The following SH3YL1 variants were observed in gnomAD, a reference collection of about 807,000 sequenced individuals.
The protein encoded by SH3YL1 is SH3 domain-containing YSC84-like protein 1.
A neutral mutation model predicts 45.8 loss-of-function variants in SH3YL1; 41 were observed. The observed-to-expected ratio is 0.89, with a 90% CI of 0.70 to 1.16. The LOEUF is 1.16. Among genes scored for constraint, SH3YL1 ranks in the 50% most tolerant of loss-of-function variants. SH3YL1 has a pLI of 0.00. For missense variants in SH3YL1, 389 were observed against 409.6 expected (o/e 0.95, Z 0.43); for synonymous variants, 152 against 151.4 (o/e 1.00, Z -0.03).
chr2:264,080 G>A, upstream of SH3YL1: 2 of 1,343,484 alleles, frequency 1.5e-6, no homozygotes, highest in Non-Finnish European at 1.9e-6. Flanking sequence ...CAGCGAGGGC[G>A]TACCTGCGGC....
At chr2:229,097 A>G (rs1433953983) in intron 8 of SH3YL1, among the ~76,000 whole-genome samples, 1 of 152,210 alleles carries the variant, frequency 6.6e-6, no homozygotes, top group Non-Finnish European at 1.5e-5. Context: ...TCATCACATG[A>G]AAGTCCCTAC....
intron 1 of SH3YL1, among the ~76,000 whole-genome samples, chr2:257,811 T>C (rs1018622181): frequency 1.8e-4 from 27 of 152,282 alleles, no homozygotes; most frequent in Middle Eastern, 3.4e-3. Context: ...CTTTAATCCA[T>C]CTTGAATTGT....
At chr2:228,342 A>G (rs1667874573) in intron 8 of SH3YL1, among the ~76,000 whole-genome samples, 1 of 152,242 alleles carries the variant, frequency 6.6e-6, no homozygotes, top group Non-Finnish European at 1.5e-5. Context: ...GCCTGTTTTT[A>G]GAAAGCTCAC....
intron 3 of SH3YL1, among the ~76,000 whole-genome samples, chr2:249,349 T>C (rs1418398822): frequency 6.6e-6 from 1 of 152,194 alleles, no homozygotes; most frequent in Non-Finnish European, 1.5e-5. Flanking sequence ...GCCCCTTATT[T>C]TCATATCAAT....
rs1405517213 is a variant in SH3YL1, at chr2:248,044, T to C, written c.227-442A>G. 2.0e-5 allele frequency among the ~76,000 whole-genome samples: 3 copies of C among 152,354 alleles called. No homozygotes were observed. In the South Asian group the frequency reaches 6.2e-4, roughly 32 times the overall value. On this transcript the variant is annotated intron_variant, in intron 3 of 9. Transcript: ENST00000356150. ...TTATCTAACGGTAACATAATAATTGTTTCCATTGTAAATTTCTGAGGGCAA... is the reference window on the plus strand; with the variant it reads ...TTATCTAACGGTAACATAATAATTGCTTCCATTGTAAATTTCTGAGGGCAA...
chr2:247,901 CA>C (rs1324071992), intron 3 of SH3YL1, among the ~76,000 whole-genome samples: 6 of 152,208 alleles, frequency 3.9e-5, no homozygotes, highest in Non-Finnish European at 8.8e-5. Context: ...ATTAGCCATA[CA>C]GAGCACTTGG....
At chr2:232,605 C>G (rs1412854413) in intron 6 of SH3YL1, among the ~76,000 whole-genome samples, 1 of 152,022 alleles carries the variant, frequency 6.6e-6, no homozygotes, top group Non-Finnish European at 1.5e-5. Flanking sequence ...CCCCAACCCC[C>G]TGAAAGGCCC....
chr2:233,464 A>T (rs180848480), intron 5 of SH3YL1, among the ~76,000 whole-genome samples: 1 of 152,346 alleles, frequency 6.6e-6, no homozygotes, highest in East Asian at 1.9e-4. Context: ...GGTAACATAG[A>T]ACTGTGTTGA....
intron 6 of SH3YL1, among the ~76,000 whole-genome samples, chr2:232,445 C>T (rs1572150573): frequency 6.7e-6 from 1 of 148,872 alleles, no homozygotes; most frequent in Non-Finnish European, 1.5e-5. Flanking sequence ...GTTTAAGTTT[C>T]TTTTTTTTTT....
chr2:262,794 GAACAA>G (rs1429380066), intron 1 of SH3YL1: 3 of 962,910 alleles, frequency 3.1e-6, no homozygotes, highest in South Asian at 1.8e-5. Flanking sequence ...TTCCTAAACA[GAACAA>G]AAGTATCAAA....
At position 245,806 on chromosome 2, in the gene SH3YL1, G is replaced by A. The variant is rs139225577; in HGVS notation, c.291+1732C>T. 5.9e-5 allele frequency among the ~76,000 whole-genome samples: 9 copies of A among 152,188 alleles called. No individual in the cohort carries two copies. In the East Asian group the frequency reaches 1.7e-3, roughly 29 times the overall value. ...CAAAAATATGAACAGCAATTCCACT[G>A]TGCAGCGCACCAGTCTTGAGAATTG... On this transcript the variant is annotated intron_variant, in intron 4 of 9. Transcript: ENST00000356150.
At position 247,375 on chromosome 2, in the gene SH3YL1, G is replaced by C. The variant is rs538368007; in HGVS notation, c.291+163C>G. 6.6e-5 allele frequency among the ~76,000 whole-genome samples: 10 copies of C among 152,304 alleles called. No individual in the cohort carries two copies. In the South Asian group the frequency reaches 1.2e-3, roughly 19 times the overall value. On this transcript the variant is annotated intron_variant, in intron 4 of 9. Transcript: ENST00000356150. ...AAAGGAAAGTAAATGGGAACCATCA[G>C]ATAGCTTTAGTTAGACATTCATCGA...
chr2:221,517 G>A (rs974647828), intron 9 of SH3YL1, among the ~76,000 whole-genome samples: 7 of 152,190 alleles, frequency 4.6e-5, no homozygotes, highest in Admixed American at 4.6e-4. Context: ...TCTCTGAATT[G>A]CAGATTCCAA....
chr2:263,826 A>G, intron 1 of SH3YL1, 158 bp downstream of exon 1: 1 of 589,598 alleles, frequency 1.7e-6, no homozygotes, highest in Non-Finnish European at 3.1e-6. Context: ...AAAGTCCTGG[A>G]AGCTGCTCTA....
chr2:230,084 T>A, intron 7 of SH3YL1, 40 bp from the exon 8 acceptor site: 1 of 1,513,032 alleles, frequency 6.6e-7, no homozygotes. Context: ...AATTTTAAAA[T>A]CTTGTTTTTA....
At chr2:221,587 C>T (rs2103015633) in intron 9 of SH3YL1, among the ~76,000 whole-genome samples, 1 of 152,242 alleles carries the variant, frequency 6.6e-6, no homozygotes, top group South Asian at 2.1e-4. Context: ...GGGTGGTTTT[C>T]AGGTGCAGCT....
intron 4 of SH3YL1, chr2:240,663 G>T (rs1668503313): frequency 6.6e-6 from 1 of 152,154 alleles, no homozygotes; most frequent in Non-Finnish European, 1.5e-5. Context: ...ATGTCCCCAG[G>T]GCATTGTTGG....
In SH3YL1 at chr2:261,839, T is replaced by C. The variant is rs572023076; in HGVS notation, c.1+2145A>G. Among the ~76,000 whole-genome samples, 14 of 152,342 alleles carry C rather than the reference T, an allele frequency of 9.2e-5. No homozygotes were observed. The South Asian group carries it at 2.9e-3, about 32-fold the overall frequency. ...GATTCCCAAACTTTTGCTTCCCTTATATTATTTTCTTCAATGGACTCTAAT... is the reference window on the plus strand; with the variant it reads ...GATTCCCAAACTTTTGCTTCCCTTACATTATTTTCTTCAATGGACTCTAAT... On this transcript the variant is annotated intron_variant, in intron 1 of 9. Coordinates refer to ENST00000356150, the MANE Select transcript of SH3YL1 (RefSeq NM_015677.4).
At chr2:263,823 T>C (rs925845817) in intron 1 of SH3YL1, 161 bp downstream of exon 1, 5 of 574,606 alleles carry the variant, frequency 8.7e-6, no homozygotes, top group Non-Finnish European at 1.6e-5. Context: ...AAGAAAGTCC[T>C]GGAAGCTGCT....
Sources: gnomAD v4.1 joint callset for allele counts (sites outside exome capture counted in the v4.1 genomes callset) on GRCh38, gnomAD v4.1.1 for gene constraint, MANE v1.5 for transcripts, NCBI Gene and HGNC (gene_info 2026-07-23, HGNC 2026-07-21) for gene names.